FGF14: variants seen among roughly 807,000 people sequenced by gnomAD.
FGF14 encodes fibroblast growth factor homologous factor 4.
A neutral mutation model predicts 25.5 loss-of-function variants in FGF14; 5 were observed. That is an observed-to-expected ratio of 0.20 (90% CI 0.10 to 0.41). The LOEUF (loss-of-function observed/expected upper bound fraction) is 0.41. FGF14 is among the 10% of genes least tolerant of loss of function. The pLI is 1.00. For missense variants in FGF14, 222 were observed against 320.1 expected, an observed-to-expected ratio of 0.69 and a Z score of 2.34; for synonymous variants, 138 against 118.3, an observed-to-expected ratio of 1.17 and a Z score of -1.08.
chr13:101,820,567 G>T (rs948523991), intron 3 of FGF14, among the ~76,000 whole-genome samples: 1 of 108,424 alleles, frequency 9.2e-6, no homozygotes, highest in African/African-American at 2.8e-5. Flanking sequence ...TCATATAAAA[G>T]CTTATCAAAA....
chr13:102,138,795 T>C (rs894893703), intron 1 of FGF14, among the ~76,000 whole-genome samples: 1 of 152,218 alleles, frequency 6.6e-6, no homozygotes, highest in East Asian at 1.9e-4. Flanking sequence ...AAAGTTATTG[T>C]GCAACATGGG....
At chr13:102,069,975 A>C (rs1254214805) in intron 1 of FGF14, among the ~76,000 whole-genome samples, 4 of 152,214 alleles carry the variant, frequency 2.6e-5, no homozygotes, top group African/African-American at 9.7e-5. Context: ...ACCTGCACAA[A>C]GATTTCTTGA....
At chr13:102,072,768 A>T (rs745403151) in intron 1 of FGF14, among the ~76,000 whole-genome samples, 3 of 152,232 alleles carry the variant, frequency 2.0e-5, no homozygotes, top group Non-Finnish European at 4.4e-5. Flanking sequence ...AATGATAGAA[A>T]AAGAAAAACA....
At chr13:101,771,804 A>C (rs2038790598) in intron 3 of FGF14, among the ~76,000 whole-genome samples, 1 of 151,962 alleles carries the variant, frequency 6.6e-6, no homozygotes, top group Admixed American at 6.6e-5. Flanking sequence ...CATTTTAATG[A>C]TTTTTGAAAT....
intron 3 of FGF14, among the ~76,000 whole-genome samples, chr13:101,818,834 C>G (rs1282063880): frequency 6.6e-6 from 1 of 152,152 alleles, no homozygotes; most frequent in Admixed American, 6.5e-5. Context: ...CAGAGCTAAG[C>G]CCACCTAAAA....
chr13:101,732,990 A>G (rs2035910661), intron 3 of FGF14, among the ~76,000 whole-genome samples: 1 of 152,190 alleles, frequency 6.6e-6, no homozygotes, highest in African/African-American at 2.4e-5. Context: ...AATCAATTGT[A>G]TCCTTTAATG....
intron 1 of FGF14, among the ~76,000 whole-genome samples, chr13:102,176,980 T>C (rs2048476767): frequency 6.6e-6 from 1 of 152,126 alleles, no homozygotes; most frequent in South Asian, 2.1e-4. Context: ...ATGTCAGTTT[T>C]AAAAAACAGG....
Position 102,323,957 on chromosome 13 carries a change from ATGTGTGTGTGTGTGTG to A in FGF14, c.208+77498_208+77513del, listed in dbSNP as rs3066051. 4.5e-4 allele frequency among the ~76,000 whole-genome samples: 62 copies of A among 136,522 alleles called. 1 individual carries two copies. The South Asian group carries it at 0.01, about 22-fold the overall frequency. 89.6% of individuals were successfully genotyped at this position (136,522 alleles called of 152,430 possible). ...TCTTTAAAGGATCCCAACGTGCAGT[ATGTGTGTGTGTGTGTG>A]TGTGTGTGTGTGTGTGTGTGTGTGT... On this transcript the variant is annotated intron_variant, in intron 1 of 4. Transcript: ENST00000376131.
intron 1 of FGF14, among the ~76,000 whole-genome samples, chr13:102,322,237 T>C (rs182160815): frequency 6.6e-6 from 1 of 152,346 alleles, no homozygotes; most frequent in African/African-American, 2.4e-5. Flanking sequence ...CTCAGTGGCT[T>C]AATGCTTGCC....
chr13:101,988,834 T>C (rs1460382780), intron 1 of FGF14, among the ~76,000 whole-genome samples: 1 of 152,148 alleles, frequency 6.6e-6, no homozygotes, highest in Non-Finnish European at 1.5e-5. Context: ...TGTGCACATG[T>C]ACCCTAAAAC....
rs531923831 is a variant in FGF14, at chr13:102,237,030, A to G, written c.208+164441T>C. Among the ~76,000 whole-genome samples the G allele has an allele frequency of 2.0e-5, 3 of 152,282 alleles. No homozygotes were observed. In the South Asian group the frequency reaches 6.2e-4, roughly 32 times the overall value. The stretch of plus-strand genomic sequence containing the variant: ...CCCAAGAATGCCATTCTCCTGTGTG[A>G]TCACGCCTCACAGGTATTGCTGGCA... On this transcript the variant is annotated intron_variant, in intron 1 of 4. Coordinates refer to the FGF14 transcript ENST00000376131.
intron 1 of FGF14, among the ~76,000 whole-genome samples, chr13:102,178,216 A>G (rs1302515199): frequency 6.6e-6 from 1 of 151,994 alleles, no homozygotes; most frequent in Non-Finnish European, 1.5e-5. Context: ...TTACAGAAAC[A>G]CCATTATGGC....
rs562687035 is a variant in FGF14 at position 102,234,209 on chromosome 13, T to C, written c.208+167262A>G. 1.3e-4 allele frequency among the ~76,000 whole-genome samples: 20 copies of C among 149,822 alleles called. 1 individual carries two copies. Among genetic ancestry groups the C allele is most frequent in the African/African-American group, 4.7e-4 (19 of 40,410 alleles). ...TTAAATGTGAAGGTACTTAATACCA[T>C]GGAAATATACGCTTAAATGTGAAGG... is the stretch of plus-strand genomic sequence containing the variant. On this transcript the variant is annotated intron_variant, in intron 1 of 4. Transcript: ENST00000376131.
At position 102,072,627 on chromosome 13, in the gene FGF14, A is replaced by G. The variant is rs544257080; in HGVS notation, c.209-197331T>C. Among the ~76,000 whole-genome samples, 9 of 152,346 alleles carry G rather than the reference A, an allele frequency of 5.9e-5. No homozygotes were observed. The South Asian group carries it at 1.4e-3, about 25-fold the overall frequency. On this transcript the variant is annotated intron_variant, in intron 1 of 4. Coordinates refer to the FGF14 transcript ENST00000376131. ...ACTGAATTTTAAGGAAAACTTTTAC[A>G]ACTCATTAATCTTCCCACAGCCAAG...
chr13:102,401,043 G>A (rs536467580), intron 1 of FGF14, among the ~76,000 whole-genome samples: 2 of 152,104 alleles, frequency 1.3e-5, no homozygotes, highest in Non-Finnish European at 2.9e-5. Flanking sequence ...TAATCAGAAA[G>A]TCTAGAGCAG....
intron 1 of FGF14, among the ~76,000 whole-genome samples, chr13:102,211,599 T>A (rs1229044796): frequency 6.6e-6 from 1 of 152,216 alleles, no homozygotes; most frequent in African/African-American, 2.4e-5. Flanking sequence ...GCTACTTGGC[T>A]ACAACAAACA....
At chr13:101,944,981 G>A (rs776492058) in intron 1 of FGF14, among the ~76,000 whole-genome samples, 1 of 152,150 alleles carries the variant, frequency 6.6e-6, no homozygotes, top group Non-Finnish European at 1.5e-5. Flanking sequence ...ATGGTTGCAA[G>A]ACAATGTGAA....
chr13:102,354,924 C>T (rs960041260), intron 1 of FGF14, among the ~76,000 whole-genome samples: 1 of 152,174 alleles, frequency 6.6e-6, no homozygotes, highest in Non-Finnish European at 1.5e-5. Context: ...TTTGTAAAAA[C>T]TTCCTTGACC....
chr13:101,781,524 C>T (rs958754024), intron 3 of FGF14, among the ~76,000 whole-genome samples: 2 of 152,148 alleles, frequency 1.3e-5, no homozygotes, highest in Non-Finnish European at 2.9e-5. Flanking sequence ...TGGTATATAG[C>T]AGAGGGCTGA....
Sources: allele counts gnomAD v4.1 joint callset (sites outside exome capture counted in the v4.1 genomes callset), GRCh38; gene constraint gnomAD v4.1.1; transcripts MANE v1.5; gene names NCBI Gene and HGNC (gene_info 2026-07-23, HGNC 2026-07-21).